Variants in LMX1A observed in about 807,000 individuals in gnomAD.
LMX1A encodes the protein LIM homeobox transcription factor 1-alpha.
A neutral mutation model predicts 49.1 loss-of-function variants in LMX1A; 15 were observed. That is an observed-to-expected ratio of 0.31 (90% confidence interval 0.20 to 0.47). The LOEUF is 0.47. Among genes scored for constraint, LMX1A ranks in the 20% least tolerant of loss-of-function variants. The pLI, the probability that LMX1A is intolerant of heterozygous loss-of-function variation, is 1.00. For missense variants in LMX1A, 372 were observed against 475.8 expected, an observed-to-expected ratio of 0.78 and a Z score of 2.03; for synonymous variants, 167 against 185.7, an observed-to-expected ratio of 0.90 and a Z score of 0.82.
At chr1:165,210,993 A>G (rs1435962809) in intron 5 of LMX1A, 4 of 372,914 alleles carry the variant, frequency 1.1e-5, no homozygotes, top group Non-Finnish European at 2.0e-5. Context: ...AATAATTATT[A>G]ATTTACATGT....
In LMX1A at chr1:165,280,905, A is replaced by G. The variant is rs971480145; in HGVS notation, c.264-31265T>C. 5.3e-5 allele frequency among the ~76,000 whole-genome samples: 8 copies of G among 152,250 alleles called. No homozygotes were observed. The South Asian group carries it at 1.2e-3, about 24-fold the overall frequency. ...CTGTGCATTGGATAGGGCCTTCGTAACAGTCAATGGGGGGCAGAAACTTAA... is the reference window on the plus strand; with the variant it reads ...CTGTGCATTGGATAGGGCCTTCGTAGCAGTCAATGGGGGGCAGAAACTTAA... On this transcript the variant is annotated intron_variant, in intron 3 of 8. Coordinates refer to ENST00000342310, the MANE Select transcript of LMX1A (RefSeq NM_177398.4).
At position 165,288,582 on chromosome 1, in the gene LMX1A, G is replaced by A. The variant is rs142762581; in HGVS notation, c.264-38942C>T. 4.2e-3 allele frequency among the ~76,000 whole-genome samples: 643 copies of A among 152,276 alleles called. 6 individuals carry two copies. The highest frequency in any genetic ancestry group is 0.011 in the Admixed American group (171 of 15,300). On this transcript the variant is annotated intron_variant, in intron 3 of 8. Coordinates refer to ENST00000342310, the MANE Select transcript of LMX1A (RefSeq NM_177398.4). ...TGCGGTTAAAGATTCCAATTCTGAT[G>A]GGATCCCATGTCTCCTAGGTTACAG...
intron 3 of LMX1A, among the ~76,000 whole-genome samples, chr1:165,295,217 A>T (rs1654580895): frequency 1.3e-5 from 2 of 151,972 alleles, no homozygotes; most frequent in Admixed American, 6.6e-5. Context: ...GCAGATTATA[A>T]AATAAGATGT....
intron 3 of LMX1A, among the ~76,000 whole-genome samples, chr1:165,342,714 T>C (rs1656114810): frequency 6.6e-6 from 1 of 152,064 alleles, no homozygotes; most frequent in Non-Finnish European, 1.5e-5. Context: ...CAGAATACTA[T>C]AAACAGCTGA....
At chr1:165,281,454 A>C (rs898640852) in intron 3 of LMX1A, among the ~76,000 whole-genome samples, 3 of 152,218 alleles carry the variant, frequency 2.0e-5, no homozygotes, top group Non-Finnish European at 4.4e-5. Flanking sequence ...TGATCGCTGC[A>C]AACGTGGAGT....
At chr1:165,238,111 A>G (rs901073436) in intron 4 of LMX1A, among the ~76,000 whole-genome samples, 2 of 152,240 alleles carry the variant, frequency 1.3e-5, no homozygotes, top group Non-Finnish European at 2.9e-5. Context: ...AGACAGAAGC[A>G]CATTGTCATC....
intron 3 of LMX1A, among the ~76,000 whole-genome samples, chr1:165,289,617 A>C (rs984021517): frequency 6.6e-6 from 1 of 152,270 alleles, no homozygotes; most frequent in African/African-American, 2.4e-5. Flanking sequence ...GCACACATTC[A>C]CACATCACTG....
chr1:165,355,072 G>C lies in LMX1A; in HGVS notation c.76+412C>G, dbSNP rs758306546. 1.3e-5 allele frequency among the ~76,000 whole-genome samples: 2 copies of C among 152,202 alleles called. No individual in the cohort carries two copies. Among genetic ancestry groups the C allele is most frequent in the Non-Finnish European group, 2.9e-5 (2 of 68,042 alleles). ...AATTGGGGCTGGAGTTGGTGGGGGA[G>C]AGAAGCCTCCTCGAACTTGGGCGCT... On this transcript the variant is annotated intron_variant, in intron 2 of 8. Coordinates refer to ENST00000342310, the MANE Select transcript of LMX1A (RefSeq NM_177398.4). The surrounding 1 kb of genome is among the most constrained non-coding windows in gnomAD (Gnocchi z 4.7).
chr1:165,325,654 A>G (rs908344966), intron 3 of LMX1A, among the ~76,000 whole-genome samples: 3 of 152,038 alleles, frequency 2.0e-5, no homozygotes, highest in Middle Eastern at 3.4e-3. Flanking sequence ...AATTACTTCA[A>G]ATATCACCGT....
intron 3 of LMX1A, among the ~76,000 whole-genome samples, chr1:165,261,914 A>C (rs905764021): frequency 5.3e-5 from 8 of 152,348 alleles, no homozygotes; most frequent in African/African-American, 1.9e-4. Flanking sequence ...TTTAGTTTGC[A>C]AGATAAAAAG....
chr1:165,309,517 G>A (rs1281280466), intron 3 of LMX1A, among the ~76,000 whole-genome samples: 2 of 152,156 alleles, frequency 1.3e-5, no homozygotes. Context: ...TGTCTATATA[G>A]TGGCTTCTTC....
At chr1:165,235,977 G>T (rs1433014418) in intron 4 of LMX1A, among the ~76,000 whole-genome samples, 1 of 152,220 alleles carries the variant, frequency 6.6e-6, no homozygotes, top group Non-Finnish European at 1.5e-5. Context: ...GGGGGCTTCA[G>T]GCACTTTGCG....
chr1:165,213,590 C>T (rs1651514823), intron 5 of LMX1A, 51 bp downstream of exon 5: 1 of 1,533,994 alleles, frequency 6.5e-7, no homozygotes, highest in Non-Finnish European at 8.9e-7. Flanking sequence ...GGTCTGAGTG[C>T]ACACAGAGAA....
At chr1:165,267,993 A>C (rs1216894950) in intron 3 of LMX1A, among the ~76,000 whole-genome samples, 1 of 152,242 alleles carries the variant, frequency 6.6e-6, no homozygotes, top group East Asian at 1.9e-4. Context: ...GAGTAATTAC[A>C]GAATGTTTGC....
At chr1:165,225,469 C>T (rs1652002035) in intron 4 of LMX1A, among the ~76,000 whole-genome samples, 1 of 152,146 alleles carries the variant, frequency 6.6e-6, no homozygotes, top group Non-Finnish European at 1.5e-5. Flanking sequence ...GCTGACAGTA[C>T]CATCACAAAC....
intron 3 of LMX1A, among the ~76,000 whole-genome samples, chr1:165,320,834 T>G (rs1355464200): frequency 1.3e-5 from 2 of 152,198 alleles, no homozygotes; most frequent in African/African-American, 4.8e-5. Context: ...TTCCATGTGA[T>G]AAGTCAGATA....
chr1:165,351,478 C>T (rs1486396346), intron 3 of LMX1A, among the ~76,000 whole-genome samples: 1 of 152,210 alleles, frequency 6.6e-6, no homozygotes, highest in Non-Finnish European at 1.5e-5. Flanking sequence ...ACCAAGAATA[C>T]ACAGTCACAT....
At chr1:165,247,054 CTTTTTTTTTTTTT>C (rs71097567) in intron 4 of LMX1A, among the ~76,000 whole-genome samples, 2 of 53,228 alleles carry the variant, frequency 3.8e-5, no homozygotes, top group Admixed American at 3.3e-4. Flanking sequence ...TCAGCTTTTT[CTTTTTTTTTTTTT>C]TTTTTTTTTT....
chr1:165,335,684 C>T (rs1410446326), intron 3 of LMX1A, among the ~76,000 whole-genome samples: 1 of 151,988 alleles, frequency 6.6e-6, no homozygotes, highest in Non-Finnish European at 1.5e-5. Context: ...GATTAATGTA[C>T]CAAATAAATA....
Sources: gnomAD v4.1 joint callset for allele counts (sites outside exome capture counted in the v4.1 genomes callset) on GRCh38, gnomAD v4.1.1 for gene constraint, Gnocchi (gnomAD v3.1) non-coding constraint, MANE v1.5 for transcripts, NCBI Gene and HGNC (gene_info 2026-07-23, HGNC 2026-07-21) for gene names.